ADGRB3: variants seen among roughly 807,000 people sequenced by gnomAD.
The protein encoded by ADGRB3 is brain-specific angiogenesis inhibitor 3.
In ADGRB3, 37 loss-of-function variants were observed where a neutral mutation model predicts 193.4. That is an observed-to-expected ratio of 0.19 (90% confidence interval 0.15 to 0.25). ADGRB3 has a LOEUF of 0.25. Among genes scored for constraint, ADGRB3 ranks in the 10% least tolerant of loss-of-function variants. The probability of loss-of-function intolerance (pLI) is 1.00; values close to 1 mark genes in which losing one functional copy is unlikely to be tolerated. For missense variants in ADGRB3, 1,637 were observed against 1,852.9 expected (o/e 0.88, Z 2.14); for synonymous variants, 690 against 644.2 (o/e 1.07, Z -1.08).
intron 3 of ADGRB3, among the ~76,000 whole-genome samples, chr6:68,833,883 A>G (rs532272547): frequency 3.6e-4 from 55 of 151,568 alleles, no homozygotes; most frequent in Non-Finnish European, 5.7e-4. Context: ...TAAAATGTCA[A>G]TTTGTTTGCT....
At chr6:68,775,461 C>T (rs902209054) in intron 3 of ADGRB3, among the ~76,000 whole-genome samples, 1 of 152,130 alleles carries the variant, frequency 6.6e-6, no homozygotes, top group African/African-American at 2.4e-5. Flanking sequence ...ATGTCAATTT[C>T]TCTGTGCAAG....
rs537209760 is a variant in ADGRB3, at chr6:68,912,875, G to A, written c.758-17684G>A. Among the ~76,000 whole-genome samples, 12 of 152,210 alleles carry A rather than the reference G, an allele frequency of 7.9e-5. No individual in the cohort carries two copies. In the East Asian group the frequency reaches 9.7e-4, roughly 12 times the overall value. On this transcript the variant is annotated intron_variant, in intron 3 of 31. Transcript: ENST00000370598. ...TCCCACCCTAATACTGCGCTTTTCCGATGGGCTTAAAAAACGGCGCACCAG... is the reference window on the plus strand; with the variant it reads ...TCCCACCCTAATACTGCGCTTTTCCAATGGGCTTAAAAAACGGCGCACCAG...
chr6:68,992,119 CTG>C (rs1211342313), intron 10 of ADGRB3, among the ~76,000 whole-genome samples: 1 of 152,120 alleles, frequency 6.6e-6, no homozygotes, highest in Non-Finnish European at 1.5e-5. Context: ...TCACCATTCT[CTG>C]TGATAAAAGT....
intron 17 of ADGRB3, among the ~76,000 whole-genome samples, chr6:69,158,474 G>T (rs567562571): frequency 3.3e-5 from 5 of 151,062 alleles, no homozygotes; most frequent in African/African-American, 1.2e-4. Flanking sequence ...GGCTTAAGCA[G>T]TCTCAGAATC....
chr6:69,039,987 G>T (rs533833826), intron 13 of ADGRB3, among the ~76,000 whole-genome samples: 2 of 151,954 alleles, frequency 1.3e-5, no homozygotes, highest in Non-Finnish European at 2.9e-5. Flanking sequence ...TGATCCGCCC[G>T]CCTCGGCCTC....
rs570018820 is a variant in ADGRB3, at chr6:68,801,604, G to C, written c.758-128955G>C. ...CTTGGGAGGCTGAGGCAAGAGAATC[G>C]TTTGAACGCGGGAGGCAGAGGTTAC... On this transcript the variant is annotated intron_variant, in intron 3 of 31. Transcript: ENST00000370598. 2.0e-5 allele frequency among the ~76,000 whole-genome samples: 3 copies of C among 152,210 alleles called. No homozygotes were observed. The South Asian group carries it at 6.2e-4, about 32-fold the overall frequency.
At chr6:69,215,453 CGTGTGT>C (rs10651298) in intron 17 of ADGRB3, among the ~76,000 whole-genome samples, 285 of 146,698 alleles carry the variant, frequency 1.9e-3, no homozygotes, top group Middle Eastern at 6.9e-3. Flanking sequence ...TGAACAGAAA[CGTGTGT>C]GTGTGTGTGT....
At chr6:69,131,284 A>G (rs1774000850) in intron 17 of ADGRB3, among the ~76,000 whole-genome samples, 2 of 152,134 alleles carry the variant, frequency 1.3e-5, no homozygotes, top group South Asian at 2.1e-4. Context: ...AATTCCCAGT[A>G]TGTCTAACAC....
At chr6:68,893,383 A>G (rs1766132538) in intron 3 of ADGRB3, among the ~76,000 whole-genome samples, 1 of 152,006 alleles carries the variant, frequency 6.6e-6, no homozygotes, top group African/African-American at 2.4e-5. Flanking sequence ...TTTTTAAAAT[A>G]AAAGACCTTG....
chr6:69,191,989 T>C (rs1259120912), intron 17 of ADGRB3, among the ~76,000 whole-genome samples: 1 of 152,152 alleles, frequency 6.6e-6, no homozygotes, highest in East Asian at 1.9e-4. Context: ...GAAGGCAAGG[T>C]CCTGGTGATC....
intron 3 of ADGRB3, among the ~76,000 whole-genome samples, chr6:68,817,976 C>T (rs1182334058): frequency 6.6e-6 from 1 of 151,960 alleles, no homozygotes; most frequent in Non-Finnish European, 1.5e-5. Flanking sequence ...TTGAGAAATA[C>T]ATCTGTAAGT....
In ADGRB3 at chr6:69,273,089, C is replaced by T. The variant is rs918169333; in HGVS notation, c.2814+33863C>T. Among the ~76,000 whole-genome samples the T allele has an allele frequency of 7.2e-5, 11 of 152,106 alleles. No homozygotes were observed. In the East Asian group the frequency reaches 1.9e-3, roughly 27 times the overall value. ...CTAATTTTTGTAATTTTAGTAGAGA[C>T]GGGGTTTCACCATGTTGGCCAAGCT... On this transcript the variant is annotated intron_variant, in intron 20 of 31. Transcript: ENST00000370598.
At position 68,638,779 on chromosome 6, in the gene ADGRB3, AGGGAGTCATTTAT is replaced by A; in HGVS notation, c.107_119del (p.Gly36AspfsTer5). On this transcript the variant is annotated frameshift_variant, in exon 3 of 32. Coordinates refer to ENST00000370598, the MANE Select transcript of ADGRB3 (RefSeq NM_001704.3). LOFTEE classifies it high-confidence loss of function. ...GACTTCTGGTGTTCAACTTTGGTGA[AGGGAGTCATTTAT>A]GGATCGTATTCTGTAAGTGAAATGT... is the stretch of plus-strand genomic sequence containing the variant. 1 of 1,614,166 alleles carries A rather than the reference AGGGAGTCATTTAT, an allele frequency of 6.2e-7. No homozygotes were observed. The highest frequency in any genetic ancestry group is 8.5e-7 in the Non-Finnish European group (1 of 1,180,018).
rs537168162 is a variant in ADGRB3, at chr6:68,815,516, TATAATTTTTG to T, written c.758-115037_758-115028del. ...CCAAAGGGAGAATTTATTATCTTAA[TATAATTTTTG>T]ATAATCCAGGTATACTTTTAGTAGT... On this transcript the variant is annotated intron_variant, in intron 3 of 31. Coordinates refer to ENST00000370598, the MANE Select transcript of ADGRB3 (RefSeq NM_001704.3). 2.0e-3 allele frequency among the ~76,000 whole-genome samples: 298 copies of T among 152,166 alleles called. 2 individuals carry two copies. Among genetic ancestry groups the T allele is most frequent in the African/African-American group, 6.9e-3 (287 of 41,524 alleles).
At chr6:69,002,971 C>T (rs916983732) in intron 11 of ADGRB3, among the ~76,000 whole-genome samples, 20 of 152,134 alleles carry the variant, frequency 1.3e-4, no homozygotes, top group African/African-American at 4.6e-4. Flanking sequence ...AGAGTACTTG[C>T]TCTGACCTTC....
chr6:69,354,350 A>G, intron 27 of ADGRB3, 22 bp downstream of exon 27: 3 of 1,552,386 alleles, frequency 1.9e-6, no homozygotes, highest in Non-Finnish European at 2.7e-6. Context: ...TTTTTCCCCG[A>G]TTGTTAATTA....
At chr6:69,297,368 T>TCTCTCTCTTTCTC in intron 20 of ADGRB3, among the ~76,000 whole-genome samples, 1 of 97,648 alleles carries the variant, frequency 1.0e-5, no homozygotes, top group East Asian at 4.5e-4. Flanking sequence ...CTCTCTCTCT[T>TCTCTCTCTTTCTC]TCTCTCTCTC....
intron 20 of ADGRB3, among the ~76,000 whole-genome samples, chr6:69,314,860 A>G (rs1456457274): frequency 6.6e-6 from 1 of 151,544 alleles, no homozygotes; most frequent in Non-Finnish European, 1.5e-5. Context: ...TAATTTTATG[A>G]AATGAACCTT....
chr6:69,145,370 G>A (rs2150339235), intron 17 of ADGRB3, among the ~76,000 whole-genome samples: 1 of 152,338 alleles, frequency 6.6e-6, no homozygotes, highest in Middle Eastern at 3.4e-3. Flanking sequence ...TGGCACTGGG[G>A]AATGTGGTGG....
Sources: gnomAD v4.1 joint callset for allele counts (sites outside exome capture counted in the v4.1 genomes callset) on GRCh38, gnomAD v4.1.1 for gene constraint, MANE v1.5 for transcripts, NCBI Gene and HGNC (gene_info 2026-07-23, HGNC 2026-07-21) for gene names.